The following RRP1 variants were observed in gnomAD, a reference collection of about 807,000 sequenced individuals.
RRP1 encodes the protein ribosomal RNA processing 1.
Under a neutral mutation model 54.6 loss-of-function variants are expected in RRP1, and 37 were observed. The ratio of observed to expected loss-of-function variants is 0.68; its 90% CI spans 0.52 to 0.89. The LOEUF (loss-of-function observed/expected upper bound fraction) is 0.89, where lower values mean the gene tolerates loss of function less well. Among genes scored for constraint, RRP1 ranks in the 40% least tolerant of loss-of-function variants. The pLI, the probability that RRP1 is intolerant of heterozygous loss-of-function variation, is 0.00. For synonymous variants in RRP1, 262 were observed against 244.3 expected, an observed-to-expected ratio of 1.07 and a Z score of -0.67; for missense variants, 639 against 612.5, an observed-to-expected ratio of 1.04 and a Z score of -0.46.
rs74925444 is a variant in RRP1, at chr21:43,794,754, G to A, written c.361-435G>A. Among the ~76,000 whole-genome samples, 1,283 of 152,346 alleles carry A rather than the reference G, an allele frequency of 8.4e-3. 13 individuals carry two copies. Among genetic ancestry groups the A allele is most frequent in the Middle Eastern group, 0.027 (8 of 294 alleles). The stretch of plus-strand genomic sequence containing the variant: ...AGAGGAAGTGAGCTACATTCTGCCC[G>A]TTGCGGGGGGTTTGGTGAGGACCAG... On this transcript the variant is annotated intron_variant, in intron 4 of 12. Transcript: ENST00000497547.
At chr21:43,793,209 A>AT (rs1601866997) in intron 3 of RRP1, 110 bp from the exon 4 acceptor site, 5 of 938,160 alleles carry the variant, frequency 5.3e-6, no homozygotes, top group East Asian at 2.4e-5. Flanking sequence ...GGGCATCAGC[A>AT]TTTTTTATCT....
In RRP1 at chr21:43,797,472, G is replaced by T; in HGVS notation, c.473G>T (p.Ser158Ile). 5.6e-6 allele frequency: 9 copies of T among 1,613,724 alleles called. No homozygotes were observed. Among genetic ancestry groups the T allele is most frequent in the Non-Finnish European group, 7.6e-6 (9 of 1,179,986 alleles). Residue 158 changes from serine (S) to isoleucine (I), a missense_variant, in exon 6 of 13, where the codon AGC (serine) becomes ATC (isoleucine). Ser to Ile is a moderately radical substitution (Grantham distance 142). Coordinates refer to ENST00000497547, the MANE Select transcript of RRP1 (RefSeq NM_003683.6). ...ELLMTEILHP[S>I]SQAPNGVKSH... ...CTGATGACTGAGATCCTGCACCCCAGCAGCCAGGCCCCCAACGGTGTGAAG... is the reference window on the plus strand; with the variant it reads ...CTGATGACTGAGATCCTGCACCCCATCAGCCAGGCCCCCAACGGTGTGAAG...
chr21:43,793,187 G>T, intron 3 of RRP1, 132 bp from the exon 4 acceptor site: 1 of 761,160 alleles, frequency 1.3e-6, no homozygotes, highest in Non-Finnish European at 2.2e-6. Context: ...TCCAGTTCTG[G>T]GGGTAGGGCC....
intron 11 of RRP1, 40 bp from the exon 12 acceptor site, chr21:43,802,227 AAGTCCCC>A: frequency 7.1e-7 from 1 of 1,414,694 alleles, no homozygotes; most frequent in Non-Finnish European, 1.0e-6. Flanking sequence ...CTCAAACCAT[AAGTCCCC>A]AGCCCCCGAG....
intron 4 of RRP1, among the ~76,000 whole-genome samples, chr21:43,793,940 C>T (rs1008582912): frequency 6.6e-6 from 1 of 152,164 alleles, no homozygotes; most frequent in South Asian, 2.1e-4. Flanking sequence ...CTGCTTCTCT[C>T]CTTCCCTCCT....
At position 43,793,411 on chromosome 21, in the gene RRP1, C is replaced by T. The variant is rs1400456076; in HGVS notation, c.360+7C>T. The T allele has an allele frequency of 6.2e-7, 1 of 1,611,934 alleles. No individual in the cohort carries two copies. Among genetic ancestry groups the T allele is most frequent in the Non-Finnish European group, 8.5e-7 (1 of 1,179,430 alleles). ...CCTGGATAAATTCTACATGGTGAGG[C>T]AGCCACCAGGGTGCCGGCGGGCGGG... On this transcript the variant is annotated splice_region_variant and intron_variant, in intron 4 of 12. Transcript: ENST00000497547.
chr21:43,803,655 A>T lies in RRP1; in HGVS notation c.1267A>T (p.Arg423Trp), dbSNP rs2085115773. Residue 423 changes from arginine (R) to tryptophan (W), a missense_variant, in exon 13 of 13, where the codon AGG becomes TGG. Coordinates refer to ENST00000497547, the MANE Select transcript of RRP1 (RefSeq NM_003683.6). ...GCGGGCCCTGCTCCGAGATCAGCCC[A>T]GGGGCCGTGGCCAGAGAGGGGCTCG... The part of the protein sequence containing the change: ...AERALLRDQP[R>W]GRGQRGARQR... 2 of 1,551,536 alleles carry T rather than the reference A, an allele frequency of 1.3e-6. No homozygotes were observed.
chr21:43,797,752 C>T (rs1002821438), intron 7 of RRP1, 57 bp downstream of exon 7: 3 of 1,598,836 alleles, frequency 1.9e-6, no homozygotes, highest in South Asian at 1.1e-5. Context: ...TTCCATGGGG[C>T]TGCTGTTGTG....
chr21:43,793,450 T>A, intron 4 of RRP1, 46 bp downstream of exon 4: 1 of 1,543,934 alleles, frequency 6.5e-7, no homozygotes, highest in Middle Eastern at 1.8e-4. Flanking sequence ...AGCGCGGGTC[T>A]CAGTGCCTGG....
intron 9 of RRP1, among the ~76,000 whole-genome samples, chr21:43,800,153 T>C (rs1346621906): frequency 1.3e-5 from 2 of 152,270 alleles, no homozygotes; most frequent in East Asian, 3.8e-4. Flanking sequence ...TGTGGCTATC[T>C]TGGGTTAAAA....
chr21:43,800,623 G>C lies in RRP1; in HGVS notation c.989+9G>C, dbSNP rs775774178. Reference sequence around the variant, plus strand: ...TACAAAGTGATCCGGAAGTGAGTGTGTGAGGGCGCTGCGTCCTCCCTGCTC... The same window carrying C: ...TACAAAGTGATCCGGAAGTGAGTGTCTGAGGGCGCTGCGTCCTCCCTGCTC... On this transcript the variant is annotated intron_variant, in intron 10 of 12. Coordinates refer to ENST00000497547, the MANE Select transcript of RRP1 (RefSeq NM_003683.6). The C allele has an allele frequency of 2.5e-6, 4 of 1,613,150 alleles. No homozygotes were observed. Among genetic ancestry groups the C allele is most frequent in the Non-Finnish European group, 2.5e-6 (3 of 1,179,206 alleles).
intron 2 of RRP1, 77 bp downstream of exon 2, chr21:43,791,509 C>CTTT: frequency 8.0e-7 from 1 of 1,252,002 alleles, no homozygotes; most frequent in Non-Finnish European, 1.1e-6. Context: ...CCCAGTTTTT[C>CTTT]TTTTTTTTTT....
intron 4 of RRP1, among the ~76,000 whole-genome samples, chr21:43,793,977 G>A (rs571596701): frequency 6.6e-6 from 1 of 152,104 alleles, no homozygotes; most frequent in African/African-American, 2.4e-5. Context: ...ATGAGGTCTC[G>A]TTACTAAGGT....
At chr21:43,800,727 C>T in intron 10 of RRP1, 113 bp downstream of exon 10, 1 of 1,498,964 alleles carries the variant, frequency 6.7e-7, no homozygotes, top group South Asian at 1.1e-5. Context: ...CCGGGGTGAT[C>T]CCCGCTAGGA....
At chr21:43,795,272 T>A (rs779871991) in intron 5 of RRP1, 22 bp downstream of exon 5, 96 of 1,612,396 alleles carry the variant, frequency 6.0e-5, no homozygotes, top group Non-Finnish European at 8.0e-5. Context: ...GCGGGCCTGC[T>A]CTGGGGGGAC....
At chr21:43,791,826 G>T (rs2084962338) in intron 2 of RRP1, among the ~76,000 whole-genome samples, 1 of 152,140 alleles carries the variant, frequency 6.6e-6, no homozygotes, top group Non-Finnish European at 1.5e-5. Flanking sequence ...TTTTAATATG[G>T]CCAGAGACCG....
intron 3 of RRP1, 83 bp downstream of exon 3, chr21:43,792,812 T>G: frequency 6.9e-7 from 1 of 1,450,160 alleles, no homozygotes; most frequent in Non-Finnish European, 9.7e-7. Context: ...AGGAGGTTTG[T>G]GTTCTCAAAT....
intron 1 of RRP1, 168 bp from the exon 2 acceptor site, chr21:43,791,182 T>G: frequency 2.8e-6 from 2 of 711,720 alleles, no homozygotes; most frequent in Admixed American, 4.1e-5. Flanking sequence ...CGCGGCAGGT[T>G]CTGGGTTAGA....
chr21:43,803,469 G>T (rs377728127), intron 12 of RRP1, 43 bp from the exon 13 acceptor site: 16 of 1,506,516 alleles, frequency 1.1e-5, no homozygotes, highest in Non-Finnish European at 1.3e-5. Flanking sequence ...GAAAGAGCCC[G>T]TGTTGGCATT....
Sources: gnomAD v4.1 joint callset for allele counts (sites outside exome capture counted in the v4.1 genomes callset) on GRCh38, gnomAD v4.1.1 for gene constraint, MANE v1.5 for transcripts, NCBI Gene and HGNC (gene_info 2026-07-23, HGNC 2026-07-21) for gene names.